ATF1: variants seen among roughly 807,000 people sequenced by gnomAD.
The protein encoded by ATF1 is activating transcription factor 1.
A neutral mutation model predicts 34.7 loss-of-function variants in ATF1; 16 were observed. The ratio of observed to expected loss-of-function variants is 0.46; its 90% CI spans 0.31 to 0.70. The LOEUF (loss-of-function observed/expected upper bound fraction) is 0.70. Ranked by LOEUF, ATF1 falls within the 30% of genes least tolerant of loss-of-function variation. The pLI, the probability that ATF1 is intolerant of heterozygous loss-of-function variation, is 0.05. For synonymous variants in ATF1, 105 were observed against 113.1 expected (o/e 0.93, Z 0.46); for missense variants, 255 against 321.6 (o/e 0.79, Z 1.58).
intron 3 of ATF1, among the ~76,000 whole-genome samples, chr12:50,800,208 A>G (rs1941485584): frequency 6.6e-6 from 1 of 152,246 alleles, no homozygotes; most frequent in African/African-American, 2.4e-5. Flanking sequence ...GCATTTTTAA[A>G]GTGCTAAAAG....
At chr12:50,809,394 A>T in intron 3 of ATF1, 62 bp from the exon 4 acceptor site, 1 of 1,135,884 alleles carries the variant, frequency 8.8e-7, no homozygotes. Flanking sequence ...AAAAAAAAAA[A>T]ATTATTTTTG....
intron 2 of ATF1, among the ~76,000 whole-genome samples, chr12:50,784,230 T>C (rs1941135034): frequency 6.6e-6 from 1 of 152,158 alleles, no homozygotes; most frequent in Admixed American, 6.6e-5. Flanking sequence ...ACTGGGGATA[T>C]AGCAGTGAAC....
Position 50,809,518 on chromosome 12 carries a change from C to A in ATF1, c.257C>A (p.Ser86Tyr). 6.2e-7 allele frequency: 1 copy of A among 1,613,466 alleles called. No homozygotes were observed. The highest frequency in any genetic ancestry group is 8.5e-7 in the Non-Finnish European group (1 of 1,179,708). The change falls in exon 4 of 7, where the codon TCT becomes TAT. Residue 86 changes from serine (S) to tyrosine (Y), a missense_variant. Ser to Tyr is a moderately radical substitution (Grantham distance 144, BLOSUM62 -2). Around this residue, in one of 2 missense-constraint regions of ATF1, gnomAD observed 221 missense variants for 250.7 expected, o/e 0.88. Coordinates refer to ENST00000262053, the MANE Select transcript of ATF1 (RefSeq NM_005171.5). ...TRGRKGDGENSGVSAAVTSMS... is the reference protein window; with the variant it reads ...TRGRKGDGENYGVSAAVTSMS... The stretch of plus-strand genomic sequence containing the variant: ...GGCAGAAAAGGAGACGGAGAAAATT[C>A]TGGAGTTTCTGCTGCTGTCACTTCT...
chr12:50,800,230 A>ATC (rs1363490304), intron 3 of ATF1, among the ~76,000 whole-genome samples: 1 of 152,206 alleles, frequency 6.6e-6, no homozygotes, highest in African/African-American at 2.4e-5. Context: ...AAAAAGAATT[A>ATC]TCTCCTGGGT....
intron 2 of ATF1, among the ~76,000 whole-genome samples, chr12:50,788,592 C>T (rs1178953144): frequency 1.3e-5 from 2 of 151,986 alleles, no homozygotes; most frequent in Admixed American, 1.3e-4. Flanking sequence ...CAGTGATCCT[C>T]CTGCCTTTGC....
At chr12:50,813,910 A>G in intron 4 of ATF1, 100 bp from the exon 5 acceptor site, 2 of 1,168,152 alleles carry the variant, frequency 1.7e-6, no homozygotes, top group Non-Finnish European at 2.4e-6. Context: ...AAGTGCATTC[A>G]TACCTGTTTT....
chr12:50,767,161 T>C (rs1317552052), intron 1 of ATF1, among the ~76,000 whole-genome samples: 12 of 151,892 alleles, frequency 7.9e-5, no homozygotes, highest in Admixed American at 7.9e-4. Flanking sequence ...AGGGTAAGAA[T>C]GTATTACCAG....
chr12:50,774,445 C>G (rs562601891), intron 1 of ATF1, among the ~76,000 whole-genome samples: 1 of 152,230 alleles, frequency 6.6e-6, no homozygotes, highest in South Asian at 2.1e-4. Flanking sequence ...GCTTTTGAAG[C>G]GGTGTTTCAC....
intron 1 of ATF1, among the ~76,000 whole-genome samples, chr12:50,768,461 G>C (rs1940692599): frequency 1.3e-5 from 2 of 152,282 alleles, no homozygotes; most frequent in South Asian, 4.1e-4. Context: ...GGACTCCTTG[G>C]GAAAAACAAG....
chr12:50,798,342 T>C (rs1052072832), intron 3 of ATF1, among the ~76,000 whole-genome samples: 1 of 151,358 alleles, frequency 6.6e-6, no homozygotes, highest in African/African-American at 2.4e-5. Context: ...GGAGTCTCGC[T>C]CTGTCATCCA....
At chr12:50,772,318 C>CTTTTTTTTTTTTTTT (rs71086475) in intron 1 of ATF1, among the ~76,000 whole-genome samples, 1 of 116,032 alleles carries the variant, frequency 8.6e-6, no homozygotes, top group Non-Finnish European at 1.9e-5. Context: ...TGCTCCATTC[C>CTTTTTTTTTTTTTTT]TTTTTTTTTT....
chr12:50,813,383 T>C (rs1941776550), intron 4 of ATF1, among the ~76,000 whole-genome samples: 1 of 152,280 alleles, frequency 6.6e-6, no homozygotes, highest in Non-Finnish European at 1.5e-5. Context: ...TCTCATTATA[T>C]AACCTTTTAT....
chr12:50,820,033 TA>T lies in ATF1; in HGVS notation c.*257del, dbSNP rs763460102. 34 of 294,836 alleles carry T rather than the reference TA, an allele frequency of 1.2e-4. No homozygotes were observed. Among genetic ancestry groups the T allele is most frequent in the South Asian group, 1.1e-3 (10 of 9,008 alleles). The allele number at this position is 294,836 out of a possible 1,614,324, so 18.3% of individuals were successfully genotyped here. On this transcript the variant is annotated 3_prime_UTR_variant, in exon 7 of 7. Coordinates refer to ENST00000262053, the MANE Select transcript of ATF1 (RefSeq NM_005171.5). ...AGCAAGAAATGAACTTTCAGCAGTCTAAATTTTCTAAATAACCAATAGTTGC... is the reference window on the plus strand; with the variant it reads ...AGCAAGAAATGAACTTTCAGCAGTCTAATTTTCTAAATAACCAATAGTTGC...
intron 2 of ATF1, among the ~76,000 whole-genome samples, chr12:50,783,729 A>G (rs1360722700): frequency 6.6e-6 from 1 of 152,010 alleles, no homozygotes; most frequent in Admixed American, 6.6e-5. Flanking sequence ...TTAGCTGGGC[A>G]TGGTGGCATG....
At chr12:50,797,497 A>T (rs1391437330) in intron 3 of ATF1, among the ~76,000 whole-genome samples, 1 of 152,126 alleles carries the variant, frequency 6.6e-6, no homozygotes, top group Admixed American at 6.5e-5. Flanking sequence ...TGTTTTTTTG[A>T]GACGGAGGTC....
At chr12:50,774,490 C>T (rs1038205649) in intron 1 of ATF1, among the ~76,000 whole-genome samples, 21 of 152,120 alleles carry the variant, frequency 1.4e-4, no homozygotes, top group Non-Finnish European at 2.8e-4. Flanking sequence ...TGGGTTATCT[C>T]CTGTTAAGCT....
rs71086476 is a variant in ATF1, at chr12:50,773,444, C to CTTTTT, written c.-6-6678_-6-6674dup. Among the ~76,000 whole-genome samples the CTTTTT allele has an allele frequency of 8.8e-3, 783 of 89,026 alleles. 7 individuals carry two copies. Among genetic ancestry groups the CTTTTT allele is most frequent in the Middle Eastern group, 0.016 (1 of 64 alleles). 58.4% of individuals were successfully genotyped at this position (89,026 alleles called of 152,430 possible). On this transcript the variant is annotated intron_variant, in intron 1 of 6. Transcript: ENST00000262053. ...AACTGTTGACTTTTTAATTGCCATT[C>CTTTTT]TTTTTTTTTTTTTTTTTTTTTTCGA...
intron 1 of ATF1, among the ~76,000 whole-genome samples, chr12:50,768,651 CT>C (rs1316401663): frequency 6.7e-6 from 1 of 149,342 alleles, no homozygotes; most frequent in Non-Finnish European, 1.5e-5. Flanking sequence ...TAAAAGAGCT[CT>C]GATTAATCAG....
At position 50,769,712 on chromosome 12, in the gene ATF1, C is replaced by T. The variant is rs1352004635; in HGVS notation, c.-7+5405C>T. Reference sequence around the variant, plus strand: ...GTGTGCCACAGAAGTAACCAAATTTCCTTATCATTTCTGGCTTTAATAGTG... The same window carrying T: ...GTGTGCCACAGAAGTAACCAAATTTTCTTATCATTTCTGGCTTTAATAGTG... On this transcript the variant is annotated intron_variant, in intron 1 of 6. Coordinates refer to ENST00000262053, the MANE Select transcript of ATF1 (RefSeq NM_005171.5). 3.3e-5 allele frequency among the ~76,000 whole-genome samples: 5 copies of T among 152,140 alleles called. No individual in the cohort carries two copies. The East Asian group carries it at 7.7e-4, about 23-fold the overall frequency.
Sources: gnomAD v4.1 joint callset for allele counts (sites outside exome capture counted in the v4.1 genomes callset) on GRCh38, gnomAD v4.1.1 for gene constraint, gnomAD v4.1.1 regional missense constraint, MANE v1.5 for transcripts, NCBI Gene and HGNC (gene_info 2026-07-23, HGNC 2026-07-21) for gene names.